CGNL1: variants seen among roughly 807,000 people sequenced by gnomAD.
CGNL1 encodes the protein cingulin-like protein 1.
A neutral mutation model predicts 141.2 loss-of-function variants in CGNL1; 132 were observed. That is an observed-to-expected ratio of 0.93 (90% CI 0.81 to 1.08). The LOEUF is 1.08. CGNL1 is among the 50% of genes least tolerant of loss of function. CGNL1 has a pLI of 0.00. For synonymous variants in CGNL1, 690 were observed against 622.1 expected (o/e 1.11, Z -1.63); for missense variants, 1,870 against 1,588.6 (o/e 1.18, Z -3.01).
In CGNL1 at chr15:57,471,131, C is replaced by T. The variant is rs143883130; in HGVS notation, c.2403+9239C>T. ...ACATTTCACTTATTCAGTAAATCAG[C>T]TTCCAGTTACAGTTCAGATTTCCAG... On this transcript the variant is annotated intron_variant, in intron 8 of 18. Transcript: ENST00000281282. Among the ~76,000 whole-genome samples, 22 of 152,330 alleles carry T rather than the reference C, an allele frequency of 1.4e-4. No homozygotes were observed. In the East Asian group the frequency reaches 4.2e-3, roughly 29 times the overall value.
At chr15:57,409,299 G>A (rs2062759931) in intron 1 of CGNL1, among the ~76,000 whole-genome samples, 2 of 152,200 alleles carry the variant, frequency 1.3e-5, no homozygotes. Flanking sequence ...CGCAGGGGAG[G>A]CACATGGGCT....
chr15:57,487,586 T>C (rs1380484123), intron 8 of CGNL1, among the ~76,000 whole-genome samples: 2 of 152,222 alleles, frequency 1.3e-5, no homozygotes, highest in African/African-American at 4.8e-5. Flanking sequence ...GATTTTCCTT[T>C]TGTTCAGGTT....
At chr15:57,458,991 T>C (rs1435917204) in intron 7 of CGNL1, among the ~76,000 whole-genome samples, 1 of 152,194 alleles carries the variant, frequency 6.6e-6, no homozygotes, top group Non-Finnish European at 1.5e-5. Context: ...TGGAGGTGCA[T>C]GTCCTAGAGA....
At chr15:57,531,800 G>T in intron 14 of CGNL1, 21 bp downstream of exon 14, 1 of 1,410,214 alleles carries the variant, frequency 7.1e-7, no homozygotes, top group South Asian at 1.2e-5. Context: ...ATAGGTGAAT[G>T]ATGCGTGGAT....
rs74016213 is a variant in CGNL1, at chr15:57,471,604, C to T, written c.2403+9712C>T. Among the ~76,000 whole-genome samples, 1,104 of 152,266 alleles carry T rather than the reference C, an allele frequency of 7.3e-3. 9 individuals are homozygous for T. The highest frequency in any genetic ancestry group is 0.025 in the African/African-American group (1,039 of 41,554). ...GAAGCACAGCTGAGGAGCTTGGTCG[C>T]GTGGTCAGGCTGCCTATGCCTAGCC... On this transcript the variant is annotated intron_variant, in intron 8 of 18. Transcript: ENST00000281282.
intron 12 of CGNL1, among the ~76,000 whole-genome samples, chr15:57,526,908 G>C (rs2031650056): frequency 6.6e-6 from 1 of 152,108 alleles, no homozygotes; most frequent in South Asian, 2.1e-4. Flanking sequence ...GGAAACGCAG[G>C]CTGCACATTT....
chr15:57,429,666 A>T lies in CGNL1; in HGVS notation c.-15-8319A>T, dbSNP rs2063020985. Among the ~76,000 whole-genome samples, 8 of 152,238 alleles carry T rather than the reference A, an allele frequency of 5.3e-5. 1 individual carries two copies. The highest frequency in any genetic ancestry group is 5.2e-4 in the Admixed American group (8 of 15,288). On this transcript the variant is annotated intron_variant, in intron 1 of 18. Coordinates refer to ENST00000281282, the MANE Select transcript of CGNL1 (RefSeq NM_032866.5). ...CCCTCTGGCTTCTTCATTAGTTAAT[A>T]AATTATTTCAGGATATTGGTGGTTA...
Position 57,439,365 on chromosome 15 carries a change from T to G in CGNL1, c.1366T>G (p.Cys456Gly), listed in dbSNP as rs1457014035. The change falls in exon 2 of 19, where the codon TGT becomes GGT. Residue 456 changes from cysteine to glycine, a missense_variant. Transcript: ENST00000281282. ...KLQGAAHGAS[C>G]AHSRPPQPNI... ...GCAGGGAGCAGCGCACGGGGCTTCA[T>G]GTGCCCACTCCAGGCCTCCCCAGCC... 6.2e-7 allele frequency: 1 copy of G among 1,614,150 alleles called. No individual in the cohort carries two copies. The highest frequency in any genetic ancestry group is 2.2e-5 in the East Asian group (1 of 44,874).
Position 57,438,447 on chromosome 15 carries a change from G to C in CGNL1, c.448G>C (p.Glu150Gln). ...SHLLNFQRHP[E>Q]LLQPYDPEKN... ...CCTGCTGAACTTTCAGAGGCATCCA[G>C]AGCTTTTGCAACCCTATGACCCTGA... The change falls in exon 2 of 19, where the codon GAG becomes CAG. Residue 150 changes from glutamate (E) to glutamine (Q), a missense_variant. Transcript: ENST00000281282. The C allele has an allele frequency of 6.2e-7, 1 of 1,614,172 alleles. No homozygotes were observed. The highest frequency in any genetic ancestry group is 8.5e-7 in the Non-Finnish European group (1 of 1,180,046).
At chr15:57,389,517 G>A (rs563452900) in intron 1 of CGNL1, among the ~76,000 whole-genome samples, 74 of 152,310 alleles carry the variant, frequency 4.9e-4, no homozygotes, top group Non-Finnish European at 9.3e-4. Context: ...CGCCCAATAG[G>A]ATTTAGGAAG....
intron 1 of CGNL1, among the ~76,000 whole-genome samples, chr15:57,389,509 C>A (rs867381922): frequency 9.2e-5 from 14 of 152,184 alleles, no homozygotes; most frequent in African/African-American, 3.4e-4. Context: ...TTCCCTCTCG[C>A]CCAATAGGAT....
At position 57,482,693 on chromosome 15, in the gene CGNL1, A is replaced by G. The variant is rs903014531; in HGVS notation, c.2403+20801A>G. On this transcript the variant is annotated intron_variant, in intron 8 of 18. Transcript: ENST00000281282. ...TAGTTTTGATGACTGTGGCTATATT[A>G]TGTCTTAAAATCTGGTAGACTGAAT... 2.0e-5 allele frequency among the ~76,000 whole-genome samples: 3 copies of G among 151,880 alleles called. No individual in the cohort carries two copies. In the East Asian group the frequency reaches 5.8e-4, roughly 29 times the overall value.
chr15:57,458,670 G>C (rs1445390964), intron 7 of CGNL1, among the ~76,000 whole-genome samples: 1 of 152,216 alleles, frequency 6.6e-6, no homozygotes, highest in Non-Finnish European at 1.5e-5. Context: ...GATGCTGGCA[G>C]GAGGTTCCAG....
At chr15:57,420,896 G>A (rs2062906954) in intron 1 of CGNL1, among the ~76,000 whole-genome samples, 1 of 152,176 alleles carries the variant, frequency 6.6e-6, no homozygotes, top group Admixed American at 6.5e-5. Flanking sequence ...TGATGATATT[G>A]TACTATTTTC....
At chr15:57,519,046 C>T (rs1339561158) in intron 10 of CGNL1, among the ~76,000 whole-genome samples, 1 of 152,204 alleles carries the variant, frequency 6.6e-6, no homozygotes, top group Non-Finnish European at 1.5e-5. Flanking sequence ...AGGAGGAAGT[C>T]ATTTCCTTGA....
chr15:57,413,545 C>T (rs1196833149), intron 1 of CGNL1, among the ~76,000 whole-genome samples: 1 of 152,178 alleles, frequency 6.6e-6, no homozygotes, highest in Non-Finnish European at 1.5e-5. Context: ...CTCAGCCTCC[C>T]AAAGTGTTGG....
At chr15:57,385,980 A>AG (rs1173350298) in intron 1 of CGNL1, among the ~76,000 whole-genome samples, 1 of 152,256 alleles carries the variant, frequency 6.6e-6, no homozygotes, top group Non-Finnish European at 1.5e-5. Flanking sequence ...CTCTGATCCA[A>AG]GGGAGCTATT....
chr15:57,532,662 C>T lies in CGNL1; in HGVS notation c.3291+883C>T, dbSNP rs1196163445. Among the ~76,000 whole-genome samples, 9 of 152,308 alleles carry T rather than the reference C, an allele frequency of 5.9e-5. No homozygotes were observed. In the East Asian group the frequency reaches 1.2e-3, roughly 20 times the overall value. ...TCACTTGGAAAGTACTGTTATTGAA[C>T]GTGAATGCTTCATAGGTGTGTGTAC... On this transcript the variant is annotated intron_variant, in intron 14 of 18. Coordinates refer to ENST00000281282, the MANE Select transcript of CGNL1 (RefSeq NM_032866.5).
chr15:57,508,825 G>A (rs2029961884), intron 8 of CGNL1, among the ~76,000 whole-genome samples: 1 of 152,194 alleles, frequency 6.6e-6, no homozygotes, highest in Non-Finnish European at 1.5e-5. Context: ...GCAGAGTCCT[G>A]GGTCCCACTC....
Sources: gnomAD v4.1 joint callset for allele counts (sites outside exome capture counted in the v4.1 genomes callset) on GRCh38, gnomAD v4.1.1 for gene constraint, MANE v1.5 for transcripts, NCBI Gene and HGNC (gene_info 2026-07-23, HGNC 2026-07-21) for gene names.